The following CATSPERT variants were observed in gnomAD, a reference collection of about 807,000 sequenced individuals.
The protein encoded by CATSPERT is catsper channel auxiliary subunit tau, also known as cation channel sperm-associated targeting subunit tau.
the CATSPERT span, among the ~76,000 whole-genome samples, chr2:201,561,766 C>T: frequency 4.6e-5 from 7 of 151,402 alleles, no homozygotes; most frequent in East Asian, 1.9e-4. Flanking sequence ...CCCAGCTACT[C>T]GGGAGGCTGA....
the CATSPERT span, among the ~76,000 whole-genome samples, chr2:201,574,658 C>T: frequency 6.6e-6 from 1 of 152,034 alleles, no homozygotes; most frequent in Non-Finnish European, 1.5e-5. Context: ...CACCTCCAGT[C>T]CCAGTTTCAG....
chr2:201,522,045 C>T, the CATSPERT span, among the ~76,000 whole-genome samples: 3 of 152,084 alleles, frequency 2.0e-5, no homozygotes, highest in African/African-American at 7.2e-5. Context: ...ACATGACAAA[C>T]CCACAGCTAA....
chr2:201,520,196 G>C, the CATSPERT span, among the ~76,000 whole-genome samples: 3 of 152,168 alleles, frequency 2.0e-5, no homozygotes, highest in Non-Finnish European at 4.4e-5. Context: ...TCTAAAGAGA[G>C]GGATAGGCTC....
chr2:201,547,518 T>C, the CATSPERT span: 2 of 1,531,180 alleles, frequency 1.3e-6, no homozygotes, highest in Non-Finnish European at 1.8e-6. Context: ...AGAATCCTTA[T>C]GTTCCAATTT....
the CATSPERT span, among the ~76,000 whole-genome samples, chr2:201,560,822 G>A: frequency 0.055 from 8,255 of 149,748 alleles, 272 homozygotes; most frequent in African/African-American, 0.08. Context: ...TTGTTCTGTC[G>A]CCCAGGCTGG....
the CATSPERT span, chr2:201,491,088 T>C: frequency 1.7e-6 from 2 of 1,184,332 alleles, no homozygotes; most frequent in East Asian, 2.6e-5. Context: ...TACACACAGT[T>C]GGATGCAGAT....
At chr2:201,504,590 TTCTC>T in the CATSPERT span, among the ~76,000 whole-genome samples, 4 of 151,824 alleles carry the variant, frequency 2.6e-5, no homozygotes, top group Admixed American at 6.6e-5. Flanking sequence ...TCACATGCTC[TTCTC>T]TCTCTCTCTG....
At chr2:201,593,749 T>C in the CATSPERT span, among the ~76,000 whole-genome samples, 1 of 149,346 alleles carries the variant, frequency 6.7e-6, no homozygotes, top group South Asian at 2.1e-4. Flanking sequence ...TCTTTGTCTC[T>C]TTTGATCTTT....
the CATSPERT span, chr2:201,494,526 A>G: frequency 2.0e-6 from 3 of 1,536,662 alleles, no homozygotes; most frequent in African/African-American, 2.7e-5. Flanking sequence ...ACTTATTCTC[A>G]GTTTCTAACA....
the CATSPERT span, among the ~76,000 whole-genome samples, chr2:201,505,530 A>G: frequency 2.8e-4 from 43 of 152,352 alleles, no homozygotes; most frequent in East Asian, 7.3e-3. Flanking sequence ...TGCAAACATA[A>G]TAATGGAAAA....
At chr2:201,569,047 G>A in the CATSPERT span, among the ~76,000 whole-genome samples, 2 of 152,188 alleles carry the variant, frequency 1.3e-5, no homozygotes, top group Non-Finnish European at 2.9e-5. Context: ...TTCAGAGACA[G>A]TGTCTAGTAG....
chr2:201,576,386 C>G, the CATSPERT span, among the ~76,000 whole-genome samples: 1 of 152,182 alleles, frequency 6.6e-6, no homozygotes, highest in Non-Finnish European at 1.5e-5. Flanking sequence ...TTAACTGACA[C>G]CATCTTACAG....
the CATSPERT span, chr2:201,491,173 A>ATAGT: frequency 6.5e-7 from 1 of 1,527,008 alleles, no homozygotes; most frequent in Non-Finnish European, 8.7e-7. Flanking sequence ...TATTACATGT[A>ATAGT]TAGTTCTTCT....
At chr2:201,526,030 A>G in the CATSPERT span, among the ~76,000 whole-genome samples, 1 of 152,218 alleles carries the variant, frequency 6.6e-6, no homozygotes, top group Non-Finnish European at 1.5e-5. Context: ...GAATTCTACC[A>G]GATGTATAAA....
the CATSPERT span, among the ~76,000 whole-genome samples, chr2:201,508,996 C>T: frequency 2.1e-5 from 3 of 143,156 alleles, no homozygotes; most frequent in Non-Finnish European, 4.4e-5. Context: ...GATATATACC[C>T]AGAAATAGGT....
chr2:201,510,172 C>T, the CATSPERT span, among the ~76,000 whole-genome samples: 32 of 150,258 alleles, frequency 2.1e-4, 2 homozygotes, highest in African/African-American at 7.1e-4. Context: ...AATAAGGGGT[C>T]GGGGATGTGG....
At chr2:201,570,728 C>T in the CATSPERT span, among the ~76,000 whole-genome samples, 1 of 152,246 alleles carries the variant, frequency 6.6e-6, no homozygotes, top group Non-Finnish European at 1.5e-5. Flanking sequence ...CTCCTTGCTC[C>T]ATCTCTTAGC....
At chr2:201,612,488 C>T in the CATSPERT span, among the ~76,000 whole-genome samples, 1 of 150,232 alleles carries the variant, frequency 6.7e-6, no homozygotes, top group Non-Finnish European at 1.5e-5. Context: ...GCAGGAGAAT[C>T]ACTTGAACCC....
chr2:201,559,819 GA>G, the CATSPERT span, among the ~76,000 whole-genome samples: 1 of 152,118 alleles, frequency 6.6e-6, no homozygotes, highest in Non-Finnish European at 1.5e-5. Flanking sequence ...ACGACTGAAA[GA>G]GGTGACTTTT....
Sources: gnomAD v4.1 joint callset for allele counts (sites outside exome capture counted in the v4.1 genomes callset) on GRCh38, gnomAD v4.1.1 for gene constraint, MANE v1.5 for transcripts, NCBI Gene and HGNC (gene_info 2026-07-23, HGNC 2026-07-21) for gene names.